SEC24B: variants seen among roughly 807,000 people sequenced by gnomAD.
The protein encoded by SEC24B is protein transport protein Sec24B.
SEC24B carries 45 observed loss-of-function variants against 142.8 expected under a neutral mutation model. The ratio of observed to expected loss-of-function variants is 0.32; its 90% CI spans 0.25 to 0.40. The LOEUF is 0.40. SEC24B is among the 10% of genes least tolerant of loss of function. The pLI is 1.00. For missense variants in SEC24B, 1,409 were observed against 1,526.8 expected, an observed-to-expected ratio of 0.92 and a Z score of 1.29; for synonymous variants, 574 against 568.2, an observed-to-expected ratio of 1.01 and a Z score of -0.15.
intron 12 of SEC24B, 77 bp from the exon 13 acceptor site, chr4:109,521,040 T>C (rs1723554649): frequency 2.3e-6 from 2 of 884,290 alleles, no homozygotes; most frequent in Non-Finnish European, 3.7e-6. Flanking sequence ...ATTACATGTA[T>C]GACCTGATAA....
chr4:109,440,539 T>C (rs1728842608), intron 1 of SEC24B, among the ~76,000 whole-genome samples: 1 of 152,232 alleles, frequency 6.6e-6, no homozygotes, highest in Non-Finnish European at 1.5e-5. Context: ...GAAAAGGTTG[T>C]AGGCTTTGAT....
At chr4:109,514,560 G>A (rs1029624223) in intron 10 of SEC24B, among the ~76,000 whole-genome samples, 9 of 152,130 alleles carry the variant, frequency 5.9e-5, no homozygotes, top group African/African-American at 1.9e-4. Context: ...TTAGCTGGGC[G>A]TGGTGGTGCA....
chr4:109,462,859 A>G (rs542827428), intron 1 of SEC24B, 42 bp from the exon 2 acceptor site: 1 of 1,426,280 alleles, frequency 7.0e-7, no homozygotes, highest in South Asian at 1.3e-5. Flanking sequence ...TTTAAAAATT[A>G]GTTATCTCTT....
chr4:109,434,023 G>T, intron 1 of SEC24B, 21 bp downstream of exon 1: 3 of 1,112,726 alleles, frequency 2.7e-6, no homozygotes, highest in South Asian at 8.7e-5. Context: ...CGGCCCGGGC[G>T]GAGCGCGGGG....
chr4:109,477,738 C>G (rs529904128), intron 3 of SEC24B, among the ~76,000 whole-genome samples: 1 of 152,122 alleles, frequency 6.6e-6, no homozygotes, highest in Non-Finnish European at 1.5e-5. Flanking sequence ...CAAAACTTAT[C>G]AAAGCATATA....
At chr4:109,508,209 T>C (rs1215950285) in intron 7 of SEC24B, among the ~76,000 whole-genome samples, 1 of 152,064 alleles carries the variant, frequency 6.6e-6, no homozygotes, top group Non-Finnish European at 1.5e-5. Context: ...TGCTACCAGG[T>C]TGATAAGTTT....
At chr4:109,515,872 C>A (rs1054691235) in intron 10 of SEC24B, among the ~76,000 whole-genome samples, 6 of 150,200 alleles carry the variant, frequency 4.0e-5, no homozygotes, top group Middle Eastern at 3.4e-3. Context: ...AACCCCCCCC[C>A]ACCCCCATCT....
At chr4:109,525,580 C>A (rs1199248733) in intron 16 of SEC24B, 76 bp downstream of exon 16, 4 of 943,448 alleles carry the variant, frequency 4.2e-6, no homozygotes, top group Non-Finnish European at 6.2e-6. Flanking sequence ...TATTGACTAC[C>A]TCTGACTGTT....
chr4:109,502,156 C>G (rs1489366114), intron 6 of SEC24B, among the ~76,000 whole-genome samples: 1 of 152,102 alleles, frequency 6.6e-6, no homozygotes, highest in African/African-American at 2.4e-5. Flanking sequence ...TATGCAAAGA[C>G]TTAAGGCAGG....
At chr4:109,508,603 A>G (rs973503573) in intron 7 of SEC24B, among the ~76,000 whole-genome samples, 1 of 152,088 alleles carries the variant, frequency 6.6e-6, no homozygotes, top group African/African-American at 2.4e-5. Context: ...AATATGTTGC[A>G]TATGTATAAG....
At chr4:109,489,022 A>G (rs555661278) in intron 4 of SEC24B, among the ~76,000 whole-genome samples, 1 of 152,112 alleles carries the variant, frequency 6.6e-6, no homozygotes, top group African/African-American at 2.4e-5. Flanking sequence ...CAGATATATG[A>G]TTTGCAAATA....
rs1268950936 is a variant in SEC24B at position 109,443,152 on chromosome 4, C to A, written c.133+9150C>A. ...TCTCTGCCTCCCTTTCCAATGGTGACCTTACTTATTTTACTAAGAAATTGA... is the reference window on the plus strand; with the variant it reads ...TCTCTGCCTCCCTTTCCAATGGTGAACTTACTTATTTTACTAAGAAATTGA... On this transcript the variant is annotated intron_variant, in intron 1 of 23. Coordinates refer to ENST00000265175, the MANE Select transcript of SEC24B (RefSeq NM_006323.5). Among the ~76,000 whole-genome samples the A allele has an allele frequency of 2.0e-5, 3 of 152,160 alleles. No individual in the cohort carries two copies. In the East Asian group the frequency reaches 5.8e-4, roughly 29 times the overall value.
chr4:109,539,777 A>G lies in SEC24B; in HGVS notation c.*102A>G, dbSNP rs1482937310. ...TTGAAATGAAGGCATTTGTTAATAC[A>G]AGATGCAACGCACAGCACTCTGTCT... On this transcript the variant is annotated 3_prime_UTR_variant, in exon 24 of 24. Transcript: ENST00000265175. 6 of 728,702 alleles carry G rather than the reference A, an allele frequency of 8.2e-6. No individual in the cohort carries two copies. The highest frequency in any genetic ancestry group is 7.3e-5 in the Admixed American group (3 of 41,104). 45.1% of individuals were successfully genotyped at this position (728,702 alleles called of 1,614,324 possible). A position where few individuals can be genotyped will look rare whatever the true frequency, so the allele number is the denominator to read the frequency against.
intron 22 of SEC24B, 72 bp downstream of exon 22, chr4:109,533,757 A>G: frequency 1.1e-6 from 1 of 918,308 alleles, no homozygotes; most frequent in East Asian, 2.4e-5. Flanking sequence ...TTCATGTAAT[A>G]TTCACCATTT....
intron 5 of SEC24B, among the ~76,000 whole-genome samples, chr4:109,494,194 C>G (rs1414882838): frequency 6.6e-6 from 1 of 152,022 alleles, no homozygotes; most frequent in East Asian, 1.9e-4. Context: ...GGGGCTCACA[C>G]CTGTATGCTC....
chr4:109,520,422 A>T lies in SEC24B; in HGVS notation c.2183A>T (p.His728Leu). 6.2e-7 allele frequency: 1 copy of T among 1,612,678 alleles called. No individual in the cohort carries two copies. Among genetic ancestry groups the T allele is most frequent in the Non-Finnish European group, 8.5e-7 (1 of 1,178,942 alleles). ...IGFMTFDSTI[H>L]FYNLQEGLSQ... The stretch of plus-strand genomic sequence containing the variant: ...TTCATGACCTTTGATAGCACTATTC[A>T]TTTCTACAATTTACAAGAAGGATTA... Residue 728 changes from histidine (H) to leucine (L), a missense_variant, in exon 12 of 24, where the codon CAT becomes CTT. His to Leu is a moderately conservative substitution (Grantham distance 99). Around this residue, in one of 2 missense-constraint regions of SEC24B, gnomAD observed 700 missense variants for 853.3 expected, o/e 0.82. Coordinates refer to ENST00000265175, the MANE Select transcript of SEC24B (RefSeq NM_006323.5).
At chr4:109,436,587 CG>C (rs1489082430) in intron 1 of SEC24B, among the ~76,000 whole-genome samples, 1 of 152,204 alleles carries the variant, frequency 6.6e-6, no homozygotes, top group Non-Finnish European at 1.5e-5. Flanking sequence ...ATAGGAGTGT[CG>C]CTTGCTACTC....
chr4:109,518,457 T>TCATATATAC (rs1213776964), intron 11 of SEC24B, among the ~76,000 whole-genome samples: 27 of 152,318 alleles, frequency 1.8e-4, no homozygotes, highest in Admixed American at 1.7e-3. Context: ...TCCCAAGTAC[T>TCATATATAC]TTGGTGATTC....
At chr4:109,434,962 A>G (rs1365866535) in intron 1 of SEC24B, among the ~76,000 whole-genome samples, 2 of 152,230 alleles carry the variant, frequency 1.3e-5, no homozygotes, top group Non-Finnish European at 2.9e-5. Context: ...TTCTCCTTAC[A>G]GACTTCTTAG....
Sources: gnomAD v4.1 joint callset for allele counts (sites outside exome capture counted in the v4.1 genomes callset) on GRCh38, gnomAD v4.1.1 for gene constraint, gnomAD v4.1.1 regional missense constraint, MANE v1.5 for transcripts, NCBI Gene and HGNC (gene_info 2026-07-23, HGNC 2026-07-21) for gene names.